FAM83B: variants seen among roughly 807,000 people sequenced by gnomAD.
The protein encoded by FAM83B is protein FAM83B.
In FAM83B, 26 loss-of-function variants were observed where a neutral mutation model predicts 38.8. The observed-to-expected ratio is 0.67, with a 90% CI of 0.49 to 0.93. The LOEUF is 0.93. Among genes scored for constraint, FAM83B ranks in the 40% least tolerant of loss-of-function variants. FAM83B has a pLI of 0.00. For missense variants in FAM83B, 1,237 were observed against 1,197.3 expected, an observed-to-expected ratio of 1.03 and a Z score of -0.49; for synonymous variants, 419 against 423.1, an observed-to-expected ratio of 0.99 and a Z score of 0.12.
chr6:54,926,643 A>T (rs1773293011), intron 3 of FAM83B, 108 bp downstream of exon 3: 2 of 811,314 alleles, frequency 2.5e-6, no homozygotes, highest in South Asian at 2.5e-5. Flanking sequence ...AAACAAAAAA[A>T]AATACGTATT....
At chr6:54,935,993 C>T (rs1773516493) in intron 4 of FAM83B, among the ~76,000 whole-genome samples, 1 of 151,870 alleles carries the variant, frequency 6.6e-6, no homozygotes, top group African/African-American at 2.4e-5. Context: ...CTTGCAAGGC[C>T]CACTAAAATT....
intron 1 of FAM83B, 147 bp from the exon 2 acceptor site, chr6:54,870,040 A>C (rs2127575063): frequency 1.9e-6 from 1 of 524,064 alleles, no homozygotes; most frequent in South Asian, 2.7e-5. Context: ...TGGTGCTATT[A>C]ATGTCATTTT....
At chr6:54,925,688 T>TGG (rs1561927093) in intron 2 of FAM83B, among the ~76,000 whole-genome samples, 1 of 151,862 alleles carries the variant, frequency 6.6e-6, no homozygotes, top group Admixed American at 6.6e-5. Flanking sequence ...ACCAAACATG[T>TGG]ATAAAATACT....
chr6:54,941,954 A>G lies in FAM83B; in HGVS notation c.2983A>G (p.Lys995Glu). 6.2e-7 allele frequency: 1 copy of G among 1,609,516 alleles called. No individual in the cohort carries two copies. Among genetic ancestry groups the G allele is most frequent in the African/African-American group, 1.3e-5 (1 of 74,818 alleles). Residue 995 changes from lysine to glutamate, a missense_variant, in exon 5 of 5, where the codon AAG becomes GAG. Coordinates refer to ENST00000306858, the MANE Select transcript of FAM83B (RefSeq NM_001010872.3). The part of the protein sequence containing the change: ...VYRSYQPNEN[K>E]FRGFMQKFGN... ...TCGCTCATATCAACCCAATGAGAAC[A>G]AGTTTCGAGGATTTATGCAAAAGTT... is the stretch of plus-strand genomic sequence containing the variant.
chr6:54,865,576 A>G lies in FAM83B; in HGVS notation c.-60-4611A>G, dbSNP rs576083179. Among the ~76,000 whole-genome samples the G allele has an allele frequency of 4.6e-5, 7 of 152,314 alleles. No individual in the cohort carries two copies. In the South Asian group the frequency reaches 1.2e-3, roughly 27 times the overall value. On this transcript the variant is annotated intron_variant, in intron 1 of 4. Transcript: ENST00000306858. ...TGGAGAGAAACAGCTTAAGAGAGAG[A>G]CTGGAAAATGGACTGCAGTGATGTT...
intron 2 of FAM83B, among the ~76,000 whole-genome samples, chr6:54,896,147 C>G (rs1256844296): frequency 6.6e-6 from 1 of 152,070 alleles, no homozygotes; most frequent in East Asian, 1.9e-4. Context: ...TGCTTGGCCT[C>G]CCAAAGTGCT....
At chr6:54,910,568 G>C (rs1772882806) in intron 2 of FAM83B, among the ~76,000 whole-genome samples, 1 of 152,168 alleles carries the variant, frequency 6.6e-6, no homozygotes, top group South Asian at 2.1e-4. Context: ...GAGCGGGGCA[G>C]AGTTCACTTT....
At chr6:54,936,433 TCTTA>T (rs1185992267) in intron 4 of FAM83B, among the ~76,000 whole-genome samples, 2 of 152,096 alleles carry the variant, frequency 1.3e-5, no homozygotes, top group African/African-American at 4.8e-5. Context: ...TTGGTTGGGC[TCTTA>T]CTTTTAAGTC....
At chr6:54,931,645 A>G (rs1048377002) in intron 4 of FAM83B, among the ~76,000 whole-genome samples, 1 of 151,800 alleles carries the variant, frequency 6.6e-6, no homozygotes, top group South Asian at 2.1e-4. Context: ...TACCATTTGC[A>G]TGGTGTATCT....
chr6:54,858,261 A>G lies in FAM83B; in HGVS notation c.-61+11435A>G, dbSNP rs117086224. ...TTTTCAGATACCATTGGCACTAACAATAGTCACTATTTAAAAGTCATTTCC... is the reference window on the plus strand; with the variant it reads ...TTTTCAGATACCATTGGCACTAACAGTAGTCACTATTTAAAAGTCATTTCC... On this transcript the variant is annotated intron_variant, in intron 1 of 4. Transcript: ENST00000306858. Among the ~76,000 whole-genome samples the G allele has an allele frequency of 7.6e-4, 116 of 152,312 alleles. 1 individual carries two copies. In the East Asian group the frequency reaches 0.021, roughly 27 times the overall value.
At chr6:54,872,294 G>A (rs535721770) in intron 2 of FAM83B, among the ~76,000 whole-genome samples, 2 of 152,026 alleles carry the variant, frequency 1.3e-5, no homozygotes, top group Non-Finnish European at 2.9e-5. Context: ...TTTAAACAGC[G>A]CTATCTTAGG....
chr6:54,920,263 G>C (rs1773140443), intron 2 of FAM83B, among the ~76,000 whole-genome samples: 3 of 151,040 alleles, frequency 2.0e-5, no homozygotes, highest in Non-Finnish European at 4.4e-5. Flanking sequence ...CCCTTTATCT[G>C]TTATTTAATT....
In FAM83B at chr6:54,926,438, C is replaced by T. The variant is rs756750764; in HGVS notation, c.512C>T (p.Thr171Ile). The T allele has an allele frequency of 1.8e-5, 29 of 1,609,756 alleles. No individual in the cohort carries two copies. The highest frequency in any genetic ancestry group is 2.4e-5 in the Non-Finnish European group (28 of 1,177,104). Residue 171 changes from threonine to isoleucine, a missense_variant, in exon 3 of 5, where the codon ACT becomes ATT. Transcript: ENST00000306858. ...TTCAAAGAAATCGTTGAGGCATCAA[C>T]TCGAGGAGTATCTGTTTACATTCTG... is the stretch of plus-strand genomic sequence containing the variant. ...DIFKEIVEAS[T>I]RGVSVYILLD...
intron 2 of FAM83B, among the ~76,000 whole-genome samples, chr6:54,892,345 C>T (rs1772424076): frequency 6.6e-6 from 1 of 151,434 alleles, no homozygotes; most frequent in Admixed American, 6.6e-5. Context: ...GTCACGGGGG[C>T]TTGTTGTACA....
rs573175831 is a variant in FAM83B, at chr6:54,939,894, A to G, written c.923A>G (p.His308Arg). The G allele has an allele frequency of 2.5e-6, 4 of 1,614,034 alleles. No individual in the cohort carries two copies. The East Asian group carries it at 8.9e-5, about 36-fold the overall frequency. Residue 308 changes from histidine (H) to arginine (R), a missense_variant, in exon 5 of 5, where the codon CAT (histidine) becomes CGT (arginine). His to Arg is a conservative substitution (Grantham distance 29). Coordinates refer to ENST00000306858, the MANE Select transcript of FAM83B (RefSeq NM_001010872.3). The stretch of plus-strand genomic sequence containing the variant: ...CTCTGGGAAAATGGCACTTACCAGC[A>G]TTCGGTGTCTTCATTAGCATCTGTT... ...KALWENGTYQ[H>R]SVSSLASVSS... is the part of the protein sequence containing the mutation.
intron 4 of FAM83B, among the ~76,000 whole-genome samples, chr6:54,932,008 T>G (rs964991765): frequency 1.0e-4 from 2 of 19,666 alleles, no homozygotes; most frequent in Non-Finnish European, 1.5e-4. Context: ...TACATAAAAC[T>G]TTTTTTTTTT....
chr6:54,938,920 C>G (rs1773587122), intron 4 of FAM83B, among the ~76,000 whole-genome samples: 1 of 152,064 alleles, frequency 6.6e-6, no homozygotes, highest in South Asian at 2.1e-4. Flanking sequence ...GGTTCTTGGT[C>G]ATGAATTCTT....
chr6:54,933,871 T>C (rs1773473991), intron 4 of FAM83B, among the ~76,000 whole-genome samples: 1 of 152,164 alleles, frequency 6.6e-6, no homozygotes, highest in African/African-American at 2.4e-5. Context: ...CACAGTCTAC[T>C]CTTTTGTTTC....
chr6:54,921,157 C>T (rs1002951857), intron 2 of FAM83B, among the ~76,000 whole-genome samples: 1 of 151,886 alleles, frequency 6.6e-6, no homozygotes, highest in Non-Finnish European at 1.5e-5. Flanking sequence ...TCCATGAAGA[C>T]CTGTTGTCTC....
Sources: gnomAD v4.1 joint callset for allele counts (sites outside exome capture counted in the v4.1 genomes callset) on GRCh38, gnomAD v4.1.1 for gene constraint, MANE v1.5 for transcripts, NCBI Gene and HGNC (gene_info 2026-07-23, HGNC 2026-07-21) for gene names.